CTNNA3: variants seen among roughly 807,000 people sequenced by gnomAD.
The protein encoded by CTNNA3 is catenin alpha 3.
A neutral mutation model predicts 95.7 loss-of-function variants in CTNNA3; 76 were observed. The observed-to-expected ratio is 0.79, with a 90% CI of 0.66 to 0.96. The LOEUF (loss-of-function observed/expected upper bound fraction) is 0.96, where lower values mean the gene tolerates loss of function less well. Ranked by LOEUF, CTNNA3 falls within the 40% of genes least tolerant of loss-of-function variation. The pLI is 0.00. For synonymous variants in CTNNA3, 431 were observed against 374.4 expected (o/e 1.15, Z -1.74); for missense variants, 1,191 against 1,089.8 (o/e 1.09, Z -1.31).
chr10:66,241,805 T>G (rs1253907120), intron 13 of CTNNA3, among the ~76,000 whole-genome samples: 2 of 151,966 alleles, frequency 1.3e-5, no homozygotes, highest in African/African-American at 4.8e-5. Flanking sequence ...AAAATCAAAT[T>G]AAAATATTAA....
At chr10:66,338,915 AT>A (rs1326904939) in intron 12 of CTNNA3, among the ~76,000 whole-genome samples, 3 of 152,030 alleles carry the variant, frequency 2.0e-5, no homozygotes, top group Admixed American at 6.6e-5. Flanking sequence ...AATCCTTGCC[AT>A]TGTTTACAGT....
intron 15 of CTNNA3, among the ~76,000 whole-genome samples, chr10:66,055,553 T>C (rs910727864): frequency 2.0e-5 from 3 of 152,228 alleles, no homozygotes; most frequent in Admixed American, 6.5e-5. Flanking sequence ...CTGGTTTTTA[T>C]ACATTAATTT....
At chr10:66,571,150 C>G (rs543344404) in intron 10 of CTNNA3, among the ~76,000 whole-genome samples, 1 of 152,248 alleles carries the variant, frequency 6.6e-6, no homozygotes, top group South Asian at 2.1e-4. Flanking sequence ...TCCATTATTT[C>G]TAGACGGAGA....
intron 15 of CTNNA3, among the ~76,000 whole-genome samples, chr10:66,015,271 C>T (rs906005095): frequency 6.6e-6 from 1 of 152,044 alleles, no homozygotes; most frequent in African/African-American, 2.4e-5. Context: ...ACCTAATAGA[C>T]TAGTCTTTCT....
chr10:66,075,201 T>C (rs1231143537), intron 14 of CTNNA3, among the ~76,000 whole-genome samples: 1 of 151,866 alleles, frequency 6.6e-6, no homozygotes, highest in Non-Finnish European at 1.5e-5. Flanking sequence ...AATATTGATA[T>C]GCTTACATTA....
chr10:67,326,450 C>A lies in CTNNA3; in HGVS notation c.580-106580G>T, dbSNP rs539143890. 8.5e-5 allele frequency among the ~76,000 whole-genome samples: 13 copies of A among 152,288 alleles called. No individual in the cohort carries two copies. The South Asian group carries it at 2.7e-3, about 32-fold the overall frequency. ...ACAATTTCCCTCAGCATTTGCCTGT[C>A]TGAAAAGGATCTTATTTCTCCTTCA... On this transcript the variant is annotated intron_variant, in intron 5 of 17. Coordinates refer to ENST00000433211, the MANE Select transcript of CTNNA3 (RefSeq NM_013266.4).
chr10:66,480,104 G>A (rs965035689), intron 11 of CTNNA3, among the ~76,000 whole-genome samples: 2 of 151,938 alleles, frequency 1.3e-5, no homozygotes, highest in Admixed American at 6.6e-5. Flanking sequence ...ATCCCAAATG[G>A]AAAATAGATC....
intron 10 of CTNNA3, among the ~76,000 whole-genome samples, chr10:66,562,616 T>C (rs1010607399): frequency 3.9e-5 from 6 of 152,126 alleles, no homozygotes; most frequent in Admixed American, 1.3e-4. Flanking sequence ...GTCAGGTAGA[T>C]AAGAGCCTTG....
chr10:66,738,461 C>G lies in CTNNA3; in HGVS notation c.1281+27803G>C, dbSNP rs899304601. ...ATGACAACTTTGTATCATCTTTAAT[C>G]TCTTCTGTAGTGAATTTGTCTTTTC... On this transcript the variant is annotated intron_variant, in intron 9 of 17. Coordinates refer to ENST00000433211, the MANE Select transcript of CTNNA3 (RefSeq NM_013266.4). Among the ~76,000 whole-genome samples, 5 of 152,140 alleles carry G rather than the reference C, an allele frequency of 3.3e-5. No individual in the cohort carries two copies. In the South Asian group the frequency reaches 1.0e-3, roughly 32 times the overall value.
Position 65,926,925 on chromosome 10 carries a change from A to C in CTNNA3, c.2401-6308T>G, listed in dbSNP as rs191329950. ...CTATGGTTACAGCTTTGACTTGCAC[A>C]TACAGACATTGTTCAATTCAATTTT... On this transcript the variant is annotated intron_variant, in intron 17 of 17. Transcript: ENST00000433211. 5.0e-3 allele frequency among the ~76,000 whole-genome samples: 759 copies of C among 152,324 alleles called. 15 individuals carry two copies. The highest frequency in any genetic ancestry group is 0.043 in the Admixed American group (665 of 15,292).
intron 7 of CTNNA3, among the ~76,000 whole-genome samples, chr10:66,897,917 G>C (rs1307895359): frequency 6.6e-6 from 1 of 152,084 alleles, no homozygotes; most frequent in Non-Finnish European, 1.5e-5. Context: ...GATACAAAAG[G>C]AACCAAGGTG....
In CTNNA3 at chr10:67,689,825, G is replaced by A. The variant is rs114566128; in HGVS notation, c.-6+6175C>T. 9.3e-3 allele frequency among the ~76,000 whole-genome samples: 1,421 copies of A among 152,206 alleles called. 23 individuals are homozygous for A. The highest frequency in any genetic ancestry group is 0.033 in the African/African-American group (1,357 of 41,512). On this transcript the variant is annotated intron_variant, in intron 1 of 17. Transcript: ENST00000433211. ...CACCTGTGTCTTTAGTCCAGCGGCC[G>A]CGCTAGTTGCTTTTAGCTGACCGAC...
In CTNNA3 at chr10:66,412,456, A is replaced by ATTT. The variant is rs750175517; in HGVS notation, c.1532-33107_1532-33105dup. Among the ~76,000 whole-genome samples, 374 of 126,160 alleles carry ATTT rather than the reference A, an allele frequency of 3.0e-3. 6 individuals are homozygous for ATTT. The East Asian group carries it at 0.048, about 16-fold the overall frequency. The allele number at this position is 126,160 out of a possible 152,430, so 82.8% of individuals were successfully genotyped here. A position where few individuals can be genotyped will look rare whatever the true frequency, so the allele number is the denominator to read the frequency against. On this transcript the variant is annotated intron_variant, in intron 11 of 17. Transcript: ENST00000433211. Reference sequence around the variant, plus strand: ...AAGGGAAATCAGAGAGCCAAATACTATTTTTTTTTTTTTTTTTTTTTTGAG... The same window carrying ATTT: ...AAGGGAAATCAGAGAGCCAAATACTATTTTTTTTTTTTTTTTTTTTTTTTTGAG...
Position 67,737,654 on chromosome 10 carries a change from A to T in CTNNA3, c.-2+25780T>A, listed in dbSNP as rs552170565. Among the ~76,000 whole-genome samples, 327 of 152,356 alleles carry T rather than the reference A, an allele frequency of 2.1e-3. 2 individuals carry two copies. Among genetic ancestry groups the T allele is most frequent in the African/African-American group, 7.4e-3 (308 of 41,590 alleles). On this transcript the variant is annotated intron_variant, in intron 1 of 17. Coordinates refer to the CTNNA3 transcript ENST00000684154. ...ATGCAGCCAAAAGACACATGAAAAA[A>T]TGCTCATCATCACTGGCCATCAGAG...
intron 13 of CTNNA3, among the ~76,000 whole-genome samples, chr10:66,245,450 A>G (rs2090279334): frequency 6.6e-6 from 1 of 152,188 alleles, no homozygotes; most frequent in Non-Finnish European, 1.5e-5. Context: ...TAGCTCTTTT[A>G]GTTCTGCCAT....
intron 13 of CTNNA3, among the ~76,000 whole-genome samples, chr10:66,206,951 TA>T (rs2087796944): frequency 6.6e-6 from 1 of 151,892 alleles, no homozygotes; most frequent in South Asian, 2.1e-4. Flanking sequence ...AAAACAAAAT[TA>T]TACCTTGGTA....
Position 67,070,422 on chromosome 10 carries a change from A to C in CTNNA3, c.1047+109895T>G, listed in dbSNP as rs113024853. 8.4e-3 allele frequency among the ~76,000 whole-genome samples: 1,282 copies of C among 151,982 alleles called. 7 individuals carry two copies. Among genetic ancestry groups the C allele is most frequent in the Middle Eastern group, 0.01 (3 of 294 alleles). ...TTTTAATATAAACCAATCTCTCTCT[A>C]TATATATATTTTTTATGTTTGTGTC... On this transcript the variant is annotated intron_variant, in intron 7 of 17. Coordinates refer to ENST00000433211, the MANE Select transcript of CTNNA3 (RefSeq NM_013266.4).
chr10:66,802,425 A>C (rs1328451119), intron 7 of CTNNA3, among the ~76,000 whole-genome samples: 1 of 151,848 alleles, frequency 6.6e-6, no homozygotes, highest in East Asian at 1.9e-4. Context: ...ATCAAATATC[A>C]TTACAGAACT....
intron 5 of CTNNA3, among the ~76,000 whole-genome samples, chr10:67,393,740 C>A (rs1016182318): frequency 4.6e-5 from 7 of 152,102 alleles, no homozygotes; most frequent in Non-Finnish European, 8.8e-5. Flanking sequence ...AATTAACAGG[C>A]AACAAATGGG....
Sources: gnomAD v4.1 joint callset for allele counts (sites outside exome capture counted in the v4.1 genomes callset) on GRCh38, gnomAD v4.1.1 for gene constraint, MANE v1.5 for transcripts, NCBI Gene and HGNC (gene_info 2026-07-23, HGNC 2026-07-21) for gene names.